ABR: variants seen among roughly 807,000 people sequenced by gnomAD.
ABR encodes ABR activator of RhoGEF and GTPase.
ABR carries 35 observed loss-of-function variants against 107.2 expected under a neutral mutation model. That is an observed-to-expected ratio of 0.33 (90% CI 0.25 to 0.43). The LOEUF (loss-of-function observed/expected upper bound fraction) is 0.43. Ranked by LOEUF, ABR falls within the 20% of genes least tolerant of loss-of-function variation. The pLI is 1.00. For synonymous variants in ABR, 498 were observed against 462.0 expected, an observed-to-expected ratio of 1.08 and a Z score of -1.00; for missense variants, 815 against 1,115.2, an observed-to-expected ratio of 0.73 and a Z score of 3.83.
At chr17:1,009,966 G>T in intron 20 of ABR, 182 bp from the exon 21 acceptor site, 1 of 611,270 alleles carries the variant, frequency 1.6e-6, no homozygotes, top group Non-Finnish European at 2.9e-6. Flanking sequence ...CCTCCAGGAG[G>T]CCCCACCACG....
rs1402166828 is a variant in ABR, at chr17:1,125,385, A to G, written c.62-18T>C. The G allele has an allele frequency of 6.2e-7, 1 of 1,611,138 alleles. No homozygotes were observed. The highest frequency in any genetic ancestry group is 1.1e-5 in the South Asian group (1 of 91,084). On this transcript the variant is annotated intron_variant, in intron 1 of 22. Transcript: ENST00000302538. ...GCTGAAGTCTGAGACAAGGAACAAG[A>G]AAGGCCACTGAGAATCCTCCACCAG... is the stretch of plus-strand genomic sequence containing the variant.
chr17:1,162,761 A>G (rs1451628598), intron 1 of ABR, among the ~76,000 whole-genome samples: 2 of 152,048 alleles, frequency 1.3e-5, no homozygotes, highest in Non-Finnish European at 2.9e-5. Context: ...ACCCCGGCTC[A>G]CACCTGTCAT....
chr17:1,100,602 G>A (rs1198144869), intron 3 of ABR, 35 bp downstream of exon 3: 1 of 1,594,084 alleles, frequency 6.3e-7, no homozygotes, highest in African/African-American at 1.3e-5. Flanking sequence ...ACGGGCGGGG[G>A]GACCGGAAGG....
chr17:1,116,044 T>C (rs1784012871), intron 2 of ABR, among the ~76,000 whole-genome samples: 2 of 151,708 alleles, frequency 1.3e-5, no homozygotes, highest in East Asian at 1.9e-4. Context: ...CTGGCCAACA[T>C]GATGAAACCC....
At chr17:1,143,498 GC>G (rs2040399078) in intron 1 of ABR, among the ~76,000 whole-genome samples, 1 of 91,838 alleles carries the variant, frequency 1.1e-5, no homozygotes, top group Non-Finnish European at 2.2e-5. Context: ...CTCCTGGGGG[GC>G]AGCTCGCTCC....
At position 1,147,319 on chromosome 17, in the gene ABR, T is replaced by A. The variant is rs552570069; in HGVS notation, c.62-21952A>T. Among the ~76,000 whole-genome samples the A allele has an allele frequency of 2.9e-3, 436 of 151,876 alleles. 3 individuals carry two copies. Among genetic ancestry groups the A allele is most frequent in the Middle Eastern group, 6.8e-3 (2 of 294 alleles). On this transcript the variant is annotated intron_variant, in intron 1 of 22. Coordinates refer to ENST00000302538, the MANE Select transcript of ABR (RefSeq NM_021962.5). ...GTGAGCAAGCAGCAGCTTGCTTGTG[T>A]TAAGTGATGAGGATTTCAGCAGTAA...
At chr17:1,100,966 G>C in intron 2 of ABR, 1 of 561,556 alleles carries the variant, frequency 1.8e-6, no homozygotes, top group East Asian at 3.0e-5. Context: ...TGGGATTACA[G>C]GCACCTGCCA....
chr17:1,198,214 T>C (rs2042606711), intron 1 of ABR, among the ~76,000 whole-genome samples: 1 of 151,428 alleles, frequency 6.6e-6, no homozygotes, highest in Admixed American at 6.6e-5. Flanking sequence ...AGGCTGTACA[T>C]GCAGGCAGGC....
intron 4 of ABR, among the ~76,000 whole-genome samples, chr17:1,086,591 C>G (rs2036607330): frequency 6.6e-6 from 1 of 151,926 alleles, no homozygotes; most frequent in South Asian, 2.1e-4. Flanking sequence ...AACTCCGCCT[C>G]CTGGGTTCAA....
intron 1 of ABR, among the ~76,000 whole-genome samples, chr17:1,142,031 T>G (rs905968359): frequency 7.9e-5 from 12 of 151,608 alleles, no homozygotes; most frequent in African/African-American, 2.7e-4. Context: ...GTGCTGGGAT[T>G]ACAGGTGTGA....
At chr17:1,207,597 C>T (rs1307442105) in intron 1 of ABR, among the ~76,000 whole-genome samples, 4 of 134,196 alleles carry the variant, frequency 3.0e-5, no homozygotes, top group Non-Finnish European at 3.1e-5. Flanking sequence ...TGCAGTGAGC[C>T]GAGATGGCGC....
In ABR at chr17:1,084,640, T is replaced by A. The variant is rs538436463; in HGVS notation, c.532-1013A>T. Among the ~76,000 whole-genome samples the A allele has an allele frequency of 1.1e-4, 16 of 152,264 alleles. No individual in the cohort carries two copies. Among genetic ancestry groups the A allele is most frequent in the African/African-American group, 3.6e-4 (15 of 41,536 alleles). ...CATAAGTCAATTCCCCAAATATTTA[T>A]GGAAAGGCTTCGCTGCGCTGTATAT... On this transcript the variant is annotated intron_variant, in intron 4 of 22. Transcript: ENST00000302538. The surrounding 1 kb of genome is among the most constrained non-coding windows in gnomAD (Gnocchi z 4.2).
At chr17:1,138,118 G>T (rs1046617814) in intron 1 of ABR, among the ~76,000 whole-genome samples, 2 of 151,282 alleles carry the variant, frequency 1.3e-5, no homozygotes, top group Non-Finnish European at 2.9e-5. Flanking sequence ...TGGCCAGGTT[G>T]GTCTCAAGCT....
chr17:1,176,831 C>T (rs553070532), intron 1 of ABR, among the ~76,000 whole-genome samples: 4 of 149,446 alleles, frequency 2.7e-5, no homozygotes, highest in South Asian at 2.1e-4. Flanking sequence ...TGGGCAAAGA[C>T]GGAGACCCCG....
intron 1 of ABR, among the ~76,000 whole-genome samples, chr17:1,134,395 G>C (rs1196350010): frequency 6.7e-6 from 1 of 150,162 alleles, no homozygotes; most frequent in Admixed American, 6.8e-5. Context: ...CGGGGCAACA[G>C]AGCAAGACTC....
chr17:1,020,162 C>A (rs964580878), intron 16 of ABR, among the ~76,000 whole-genome samples: 1 of 152,174 alleles, frequency 6.6e-6, no homozygotes, highest in Non-Finnish European at 1.5e-5. Context: ...CAGCTCACTG[C>A]AACCTCCACC....
intron 16 of ABR, among the ~76,000 whole-genome samples, chr17:1,046,023 A>G (rs1444534520): frequency 6.6e-6 from 1 of 152,124 alleles, no homozygotes; most frequent in African/African-American, 2.4e-5. Context: ...GGTGCCCGCC[A>G]TCACGCCTGG....
chr17:1,169,744 G>A lies in ABR; in HGVS notation c.61+9923C>T, dbSNP rs146005869. Among the ~76,000 whole-genome samples, 1,502 of 152,286 alleles carry A rather than the reference G, an allele frequency of 9.9e-3. 14 individuals carry two copies. Among genetic ancestry groups the A allele is most frequent in the Non-Finnish European group, 0.015 (1,039 of 68,022 alleles). ...GCCCTGGGCCTCGGCAAAGGACCTCGATGCTCAGTGGCCTGATTTATGGCT... is the reference window on the plus strand; with the variant it reads ...GCCCTGGGCCTCGGCAAAGGACCTCAATGCTCAGTGGCCTGATTTATGGCT... On this transcript the variant is annotated intron_variant, in intron 1 of 22. Coordinates refer to ENST00000302538, the MANE Select transcript of ABR (RefSeq NM_021962.5).
rs1360934420 is a variant in ABR at position 1,010,481 on chromosome 17, T to C, written c.2236+248A>G. On this transcript the variant is annotated intron_variant, in intron 20 of 22. Transcript: ENST00000302538. The surrounding 1 kb of genome is among the most constrained non-coding windows in gnomAD (Gnocchi z 4.1). ...TCCAAGCAAGAGGCCAACGTCCAAA[T>C]AGGAAGCAGAAGGGGCTGCCCATGG... 1.9e-6 allele frequency: 1 copy of C among 524,952 alleles called. No individual in the cohort carries two copies. Among genetic ancestry groups the C allele is most frequent in the East Asian group, 3.3e-5 (1 of 30,198 alleles). The allele number at this position is 524,952 out of a possible 1,614,324, so 32.5% of individuals were successfully genotyped here.
Sources: gnomAD v4.1 joint callset for allele counts (sites outside exome capture counted in the v4.1 genomes callset) on GRCh38, gnomAD v4.1.1 for gene constraint, Gnocchi (gnomAD v3.1) non-coding constraint, MANE v1.5 for transcripts, NCBI Gene and HGNC (gene_info 2026-07-23, HGNC 2026-07-21) for gene names.